Variants in FAT4 observed in about 807,000 individuals in gnomAD.
The protein encoded by FAT4 is FAT atypical cadherin 4.
A neutral mutation model predicts 303.9 loss-of-function variants in FAT4; 84 were observed. The observed-to-expected ratio is 0.28, with a 90% CI of 0.23 to 0.33. FAT4 has a LOEUF of 0.33. Ranked by LOEUF, FAT4 falls within the 10% of genes least tolerant of loss-of-function variation. FAT4 has a pLI of 1.00. For missense variants in FAT4, 6,005 were observed against 6,146.8 expected (o/e 0.98, Z 0.77); for synonymous variants, 2,307 against 2,298.8 (o/e 1.00, Z -0.10).
At chr4:125,470,322 A>G (rs928854361) in intron 12 of FAT4, among the ~76,000 whole-genome samples, 10 of 152,296 alleles carry the variant, frequency 6.6e-5, no homozygotes, top group Non-Finnish European at 1.3e-4. Flanking sequence ...ACTGGTTTCA[A>G]TTTCAAGACA....
chr4:125,317,376 C>T lies in FAT4; in HGVS notation c.965C>T (p.Thr322Met), dbSNP rs1318054549. The change falls in exon 2 of 18, where the codon ACG (threonine) becomes ATG (methionine). Residue 322 changes from threonine to methionine, a missense_variant. Physicochemically the swap from Thr to Met is moderately conservative, Grantham distance 81 (BLOSUM62 -1). Transcript: ENST00000394329. The surrounding 1 kb of genome is among the most constrained non-coding windows in gnomAD (Gnocchi z 7.0). ...DFEARRQYSLTVQAMDRGVPS... is the reference protein window; with the variant it reads ...DFEARRQYSLMVQAMDRGVPS... ...GAAGCTCGGCGCCAATACTCGCTTA[C>T]GGTGCAGGCGATGGACAGAGGCGTG... 11 of 1,613,336 alleles carry T rather than the reference C, an allele frequency of 6.8e-6. No homozygotes were observed. Among genetic ancestry groups the T allele is most frequent in the African/African-American group, 1.3e-5 (1 of 74,948 alleles).
At chr4:125,391,850 A>G (rs1056349327) in intron 2 of FAT4, among the ~76,000 whole-genome samples, 14 of 152,278 alleles carry the variant, frequency 9.2e-5, no homozygotes, top group Admixed American at 7.9e-4. Context: ...TTTATATGCC[A>G]GTAGAATGCC....
rs539442232 is a variant in FAT4 at position 125,318,861 on chromosome 4, C to T, written c.2450C>T (p.Ala817Val). ...GGATATCATGTGGGTAGTGTGTCTGCATCCACCATGGATCTCAATTCCAAC... is the reference window on the plus strand; with the variant it reads ...GGATATCATGTGGGTAGTGTGTCTGTATCCACCATGGATCTCAATTCCAAC... ...ALGYHVGSVS[A>V]STMDLNSNIS... Residue 817 changes from alanine (A) to valine (V), a missense_variant, in exon 2 of 18, where the codon GCA (alanine) becomes GTA (valine). Transcript: ENST00000394329. 164 of 1,614,158 alleles carry T rather than the reference C, an allele frequency of 1.0e-4. No individual in the cohort carries two copies. In the South Asian group the frequency reaches 1.7e-3, roughly 17 times the overall value.
intron 2 of FAT4, among the ~76,000 whole-genome samples, chr4:125,356,602 A>G (rs925811726): frequency 4.2e-5 from 6 of 144,372 alleles, no homozygotes; most frequent in Non-Finnish European, 7.5e-5. Context: ...TAGGTATTTC[A>G]GAGTGCCCCA....
intron 2 of FAT4, among the ~76,000 whole-genome samples, chr4:125,370,578 A>C (rs558157970): frequency 6.6e-6 from 1 of 152,326 alleles, no homozygotes; most frequent in African/African-American, 2.4e-5. Context: ...ATTAATATGA[A>C]CAGTCACTAA....
intron 11 of FAT4, among the ~76,000 whole-genome samples, chr4:125,468,093 G>A (rs923061098): frequency 2.6e-5 from 4 of 151,978 alleles, no homozygotes; most frequent in Non-Finnish European, 4.4e-5. Context: ...GAACCCAGTA[G>A]GCAGAGGTTG....
At position 125,321,375 on chromosome 4, in the gene FAT4, G is replaced by A. The variant is rs572010193; in HGVS notation, c.4964G>A (p.Ser1655Asn). ...AACGTGATATCAATAGAAGCAGCTA[G>A]CCCCAGAGGATCTGAGGCCCCAGTG... ...GTNVISIEAA[S>N]PRGSEAPVEY... The change falls in exon 2 of 18, where the codon AGC becomes AAC. Residue 1655 changes from serine to asparagine, a missense_variant. Physicochemically the swap from Ser to Asn is conservative, Grantham distance 46. Coordinates refer to ENST00000394329, the MANE Select transcript of FAT4 (RefSeq NM_001291303.3). The A allele has an allele frequency of 2.1e-5, 34 of 1,614,130 alleles. No individual in the cohort carries two copies. The East Asian group carries it at 3.8e-4, about 18-fold the overall frequency.
At chr4:125,337,351 G>A (rs1284230612) in intron 2 of FAT4, among the ~76,000 whole-genome samples, 3 of 151,904 alleles carry the variant, frequency 2.0e-5, no homozygotes, top group African/African-American at 7.2e-5. Context: ...AAAAGGAAAA[G>A]CATACTTAGG....
intron 2 of FAT4, among the ~76,000 whole-genome samples, chr4:125,369,731 T>A (rs1407864658): frequency 6.6e-6 from 1 of 152,176 alleles, no homozygotes; most frequent in East Asian, 1.9e-4. Context: ...AATGTTTTTG[T>A]TTCCCAAACT....
At chr4:125,448,369 G>A in intron 9 of FAT4, 92 bp from the exon 10 acceptor site, 1 of 1,151,628 alleles carries the variant, frequency 8.7e-7, no homozygotes, top group Non-Finnish European at 1.2e-6. Context: ...GTCACATCAA[G>A]CAGCAATAGA....
rs561470928 is a variant in FAT4, at chr4:125,407,819, A to C, written c.5570-625A>C. ...TGTATGCTTCATTCCCATTATTGGA[A>C]ATTTTTATGTAAAATTAAAATTTTA... On this transcript the variant is annotated intron_variant, in intron 4 of 17. Coordinates refer to ENST00000394329, the MANE Select transcript of FAT4 (RefSeq NM_001291303.3). Among the ~76,000 whole-genome samples, 41 of 152,158 alleles carry C rather than the reference A, an allele frequency of 2.7e-4. No homozygotes were observed. In the South Asian group the frequency reaches 8.5e-3, roughly 32 times the overall value.
intron 2 of FAT4, among the ~76,000 whole-genome samples, chr4:125,390,969 G>C (rs995611200): frequency 2.0e-5 from 3 of 152,130 alleles, no homozygotes; most frequent in African/African-American, 7.2e-5. Flanking sequence ...ACCACATGGA[G>C]ATACCATCTC....
intron 12 of FAT4, among the ~76,000 whole-genome samples, chr4:125,469,979 A>G (rs1481328495): frequency 6.6e-6 from 1 of 152,122 alleles, no homozygotes; most frequent in Non-Finnish European, 1.5e-5. Flanking sequence ...TGTATTTTTT[A>G]AATAATAGGA....
At chr4:125,368,674 C>A (rs1363346265) in intron 2 of FAT4, among the ~76,000 whole-genome samples, 1 of 151,516 alleles carries the variant, frequency 6.6e-6, no homozygotes, top group Non-Finnish European at 1.5e-5. Flanking sequence ...ACACACATGA[C>A]ATCTGGCAAT....
chr4:125,321,924 G>A (rs1435728508), intron 2 of FAT4, among the ~76,000 whole-genome samples: 1 of 152,100 alleles, frequency 6.6e-6, no homozygotes, highest in Non-Finnish European at 1.5e-5. Context: ...ACTCAATAAG[G>A]AAGGCTACCA....
rs117555198 is a variant in FAT4 at position 125,429,009 on chromosome 4, A to G, written c.7019-5236A>G. 1.1e-4 allele frequency among the ~76,000 whole-genome samples: 17 copies of G among 152,256 alleles called. No individual in the cohort carries two copies. The East Asian group carries it at 2.9e-3, about 26-fold the overall frequency. On this transcript the variant is annotated intron_variant, in intron 7 of 17. Coordinates refer to ENST00000394329, the MANE Select transcript of FAT4 (RefSeq NM_001291303.3). ...ATTTTGCCCTATTACACCACTACCT[A>G]TATAATTCATCATTATCAGATCTAT...
chr4:125,485,828 CTA>C (rs1304509586), intron 16 of FAT4, among the ~76,000 whole-genome samples: 1 of 152,106 alleles, frequency 6.6e-6, no homozygotes, highest in Admixed American at 6.6e-5. Context: ...ATTCGTTGTG[CTA>C]TGACATTACA....
At chr4:125,434,500 G>A in intron 8 of FAT4, 75 bp downstream of exon 8, 2 of 1,326,918 alleles carry the variant, frequency 1.5e-6, no homozygotes, top group South Asian at 1.2e-5. Context: ...TGAATATAAT[G>A]TTTAATTTAA....
chr4:125,367,437 T>A (rs898058886), intron 2 of FAT4, among the ~76,000 whole-genome samples: 1 of 152,134 alleles, frequency 6.6e-6, no homozygotes, highest in African/African-American at 2.4e-5. Context: ...GCAATAGACT[T>A]GAACCCAAGT....
Sources: gnomAD v4.1 joint callset for allele counts (sites outside exome capture counted in the v4.1 genomes callset) on GRCh38, gnomAD v4.1.1 for gene constraint, Gnocchi (gnomAD v3.1) non-coding constraint, MANE v1.5 for transcripts, NCBI Gene and HGNC (gene_info 2026-07-23, HGNC 2026-07-21) for gene names.